TRPM3: variants seen among roughly 807,000 people sequenced by gnomAD.
TRPM3 encodes long transient receptor potential channel 3.
TRPM3 carries 77 observed loss-of-function variants against 181.2 expected under a neutral mutation model. The ratio of observed to expected loss-of-function variants is 0.42; its 90% CI spans 0.35 to 0.51. The LOEUF (loss-of-function observed/expected upper bound fraction) is 0.51. Ranked by LOEUF, TRPM3 falls within the 20% of genes least tolerant of loss-of-function variation. The pLI is 0.01. For missense variants in TRPM3, 1,759 were observed against 2,196.7 expected, an observed-to-expected ratio of 0.80 and a Z score of 3.98; for synonymous variants, 745 against 796.4, an observed-to-expected ratio of 0.94 and a Z score of 1.09.
intron 1 of TRPM3, among the ~76,000 whole-genome samples, chr9:71,425,193 T>A (rs1487325633): frequency 6.6e-6 from 1 of 152,154 alleles, no homozygotes; most frequent in African/African-American, 2.4e-5. Context: ...CTATGTACTA[T>A]CATCCTAATT....
intron 1 of TRPM3, among the ~76,000 whole-genome samples, chr9:70,951,111 A>C (rs1423310586): frequency 6.6e-6 from 1 of 152,180 alleles, no homozygotes; most frequent in Non-Finnish European, 1.5e-5. Flanking sequence ...TTATGTAAGT[A>C]ATCAAATTAT....
intron 1 of TRPM3, among the ~76,000 whole-genome samples, chr9:70,998,156 CATATAT>C (rs1554794732): frequency 7.4e-5 from 2 of 27,200 alleles, no homozygotes; most frequent in African/African-American, 2.6e-4. Flanking sequence ...TATATATATA[CATATAT>C]ACATATATAC....
intron 1 of TRPM3, among the ~76,000 whole-genome samples, chr9:71,321,295 A>C (rs547395543): frequency 1.3e-5 from 2 of 152,278 alleles, no homozygotes; most frequent in South Asian, 2.1e-4. Flanking sequence ...TAACATTGTC[A>C]TCACCTCTTT....
chr9:71,256,179 G>C (rs1180511086), intron 1 of TRPM3, among the ~76,000 whole-genome samples: 2 of 152,196 alleles, frequency 1.3e-5, no homozygotes, highest in Non-Finnish European at 2.9e-5. Flanking sequence ...GCATCTTTTT[G>C]AGGAGGAAAT....
intron 25 of TRPM3, among the ~76,000 whole-genome samples, chr9:70,545,008 G>GC: frequency 6.6e-6 from 1 of 152,236 alleles, no homozygotes; most frequent in East Asian, 1.9e-4. Flanking sequence ...CCTCATATAT[G>GC]CCCCTCAATA....
chr9:71,037,226 C>T (rs1159424489), intron 1 of TRPM3, among the ~76,000 whole-genome samples: 5 of 152,216 alleles, frequency 3.3e-5, no homozygotes, highest in Middle Eastern at 3.4e-3. Flanking sequence ...CTTATAGCAG[C>T]GAGGAAAGTT....
In TRPM3 at chr9:70,598,523, T is replaced by G. The variant is rs1436070090; in HGVS notation, c.2944A>C (p.Arg982=). 1 of 1,614,146 alleles carries G rather than the reference T, an allele frequency of 6.2e-7. No homozygotes were observed. ...ATGATGTTCACGCAGTAGATGACCC[T>G]CCCGTCACTCCTGAAGGGCTGGTCT... The part of the protein sequence containing the change: ...LQDQPFRSDG[R]VIYCVNIIYW... The change falls in exon 21 of 26, where the codon AGG becomes CGG. Residue 982 remains arginine (R), a synonymous_variant. Transcript: ENST00000677713.
In TRPM3 at chr9:70,585,352, T is replaced by C. The variant is rs559523176; in HGVS notation, c.3223+5679A>G. Among the ~76,000 whole-genome samples, 22 of 152,254 alleles carry C rather than the reference T, an allele frequency of 1.4e-4. No individual in the cohort carries two copies. The East Asian group carries it at 4.1e-3, about 28-fold the overall frequency. Reference sequence around the variant, plus strand: ...CTCTTCTCTTTCTACTTGTGCCCGCTGGTAAGCTCACCCATCATGGCATTA... The same window carrying C: ...CTCTTCTCTTTCTACTTGTGCCCGCCGGTAAGCTCACCCATCATGGCATTA... On this transcript the variant is annotated intron_variant, in intron 22 of 25. Coordinates refer to ENST00000677713, the MANE Select transcript of TRPM3 (RefSeq NM_001366145.2).
intron 1 of TRPM3, among the ~76,000 whole-genome samples, chr9:71,401,059 G>A (rs2131379283): frequency 6.6e-6 from 1 of 152,064 alleles, no homozygotes; most frequent in South Asian, 2.1e-4. Flanking sequence ...TTGGCCAGGT[G>A]TGATGGCATA....
intron 1 of TRPM3, among the ~76,000 whole-genome samples, chr9:70,936,215 AGAT>A (rs2096827366): frequency 1.3e-5 from 2 of 152,264 alleles, no homozygotes; most frequent in Non-Finnish European, 2.9e-5. Flanking sequence ...ATAAGTAAAT[AGAT>A]GACTAAATCT....
chr9:71,403,554 T>C (rs961228386), intron 1 of TRPM3, among the ~76,000 whole-genome samples: 9 of 152,224 alleles, frequency 5.9e-5, no homozygotes, highest in African/African-American at 1.4e-4. Context: ...GGTTCTATTA[T>C]GCTAACTATC....
intron 1 of TRPM3, among the ~76,000 whole-genome samples, chr9:71,250,129 T>A (rs1479742896): frequency 6.6e-6 from 1 of 152,178 alleles, no homozygotes; most frequent in East Asian, 1.9e-4. Context: ...GAGTCACAAT[T>A]CTACATAGGA....
chr9:71,132,616 A>T (rs1009518220), intron 1 of TRPM3, among the ~76,000 whole-genome samples: 3 of 152,208 alleles, frequency 2.0e-5, no homozygotes, highest in Non-Finnish European at 2.9e-5. Context: ...TGTTTTGTAC[A>T]TTAGGAAAAT....
chr9:70,565,645 G>A (rs552561453), intron 22 of TRPM3, among the ~76,000 whole-genome samples: 6 of 152,042 alleles, frequency 3.9e-5, no homozygotes, highest in East Asian at 3.9e-4. Flanking sequence ...AGTGAATTGC[G>A]GTGGGGGCGG....
intron 1 of TRPM3, among the ~76,000 whole-genome samples, chr9:71,184,656 CGAA>C (rs1291078548): frequency 6.6e-6 from 1 of 152,090 alleles, no homozygotes; most frequent in African/African-American, 2.4e-5. Context: ...GGCAACATTA[CGAA>C]GGAGGCAAAA....
intron 19 of TRPM3, among the ~76,000 whole-genome samples, chr9:70,609,868 T>C (rs2061747107): frequency 6.6e-6 from 1 of 151,376 alleles, no homozygotes; most frequent in Non-Finnish European, 1.5e-5. Context: ...CCACCGTGGC[T>C]GGAAAGAATT....
chr9:71,361,724 C>T (rs1268913264), intron 1 of TRPM3, among the ~76,000 whole-genome samples: 1 of 152,154 alleles, frequency 6.6e-6, no homozygotes, highest in African/African-American at 2.4e-5. Context: ...TTATTGTCTC[C>T]AGTGCCTATG....
intron 11 of TRPM3, among the ~76,000 whole-genome samples, chr9:70,637,684 C>A (rs1005560113): frequency 5.9e-5 from 9 of 152,214 alleles, no homozygotes; most frequent in East Asian, 1.9e-4. Flanking sequence ...CACCATCTAA[C>A]AACTACTACT....
chr9:71,428,948 GAAAAAAAAA>G (rs34737844), intron 1 of TRPM3, among the ~76,000 whole-genome samples: 7 of 121,998 alleles, frequency 5.7e-5, no homozygotes, highest in African/African-American at 9.5e-5. Flanking sequence ...TGTTTCAAAG[GAAAAAAAAA>G]AAAAAAAAAA....
Sources: allele counts gnomAD v4.1 joint callset (sites outside exome capture counted in the v4.1 genomes callset), GRCh38; gene constraint gnomAD v4.1.1; transcripts MANE v1.5; gene names NCBI Gene and HGNC (gene_info 2026-07-23, HGNC 2026-07-21).